TCF4: variants seen among roughly 807,000 people sequenced by gnomAD.
TCF4 encodes the protein transcription factor 4, also known as SL3-3 enhancer factor 2.
TCF4 carries 3 observed loss-of-function variants against 82.1 expected under a neutral mutation model. That is an observed-to-expected ratio of 0.04 (90% CI 0.02 to 0.09). The LOEUF (loss-of-function observed/expected upper bound fraction) is 0.09. Among genes scored for constraint, TCF4 ranks in the 10% least tolerant of loss-of-function variants. TCF4 has a pLI of 1.00. For synonymous variants in TCF4, 276 were observed against 309.6 expected, an observed-to-expected ratio of 0.89 and a Z score of 1.14; for missense variants, 518 against 852.7, an observed-to-expected ratio of 0.61 and a Z score of 4.89.
In TCF4 at chr18:55,506,395, T is replaced by C. The variant is rs949423955; in HGVS notation, c.146-42258A>G. ...CAGTTCCCAAGTCAAGTCAGGCTTT[T>C]GATAATATATTTTATTTATACACAC... On this transcript the variant is annotated intron_variant, in intron 3 of 19. Transcript: ENST00000354452. Among the ~76,000 whole-genome samples, 4 of 152,324 alleles carry C rather than the reference T, an allele frequency of 2.6e-5. No individual in the cohort carries two copies. The East Asian group carries it at 7.7e-4, about 29-fold the overall frequency.
At chr18:55,600,545 C>T (rs1245898201) in intron 2 of TCF4, among the ~76,000 whole-genome samples, 1 of 152,178 alleles carries the variant, frequency 6.6e-6, no homozygotes, top group Non-Finnish European at 1.5e-5. Flanking sequence ...CCACTTTGTC[C>T]ATTCTCACGG....
At chr18:55,459,489 C>A (rs1240463079) in intron 5 of TCF4, among the ~76,000 whole-genome samples, 2 of 152,136 alleles carry the variant, frequency 1.3e-5, no homozygotes. Context: ...ATTGGAGGAT[C>A]ATTTTAGGAT....
intron 3 of TCF4, among the ~76,000 whole-genome samples, chr18:55,578,669 C>CTAAA (rs1385567620): frequency 6.6e-6 from 1 of 151,990 alleles, no homozygotes; most frequent in Non-Finnish European, 1.5e-5. Context: ...GAGGCAATGT[C>CTAAA]AGCATCAGCA....
intron 8 of TCF4, among the ~76,000 whole-genome samples, chr18:55,293,963 T>TTTTTTA (rs11444091): frequency 7.1e-6 from 1 of 139,958 alleles, no homozygotes; most frequent in Non-Finnish European, 1.5e-5. Flanking sequence ...TTTTTTTTTT[T>TTTTTTA]AGAATTCATA....
intron 5 of TCF4, among the ~76,000 whole-genome samples, chr18:55,404,953 C>T (rs1326412916): frequency 7.9e-5 from 12 of 152,250 alleles, no homozygotes; most frequent in Admixed American, 4.6e-4. Context: ...TAGCGCTCAG[C>T]GCAAAGTATA....
intron 3 of TCF4, among the ~76,000 whole-genome samples, chr18:55,572,191 C>T (rs763135669): frequency 3.9e-5 from 6 of 152,190 alleles, no homozygotes; most frequent in Non-Finnish European, 7.3e-5. Flanking sequence ...CCAACTCTCA[C>T]TAACTGACAC....
At chr18:55,366,854 A>T (rs2087295986) in intron 6 of TCF4, among the ~76,000 whole-genome samples, 1 of 152,184 alleles carries the variant, frequency 6.6e-6, no homozygotes, top group Non-Finnish European at 1.5e-5. Context: ...GATTTACTGC[A>T]GAGCATGCTT....
intron 3 of TCF4, among the ~76,000 whole-genome samples, chr18:55,539,782 T>G (rs2097149447): frequency 6.6e-6 from 1 of 152,008 alleles, no homozygotes; most frequent in Non-Finnish European, 1.5e-5. Context: ...TGAATGGGAA[T>G]CAAATAGAAC....
At chr18:55,526,908 C>T (rs2096990896) in intron 3 of TCF4, among the ~76,000 whole-genome samples, 1 of 152,120 alleles carries the variant, frequency 6.6e-6, no homozygotes, top group Admixed American at 6.6e-5. Context: ...GGTATATATA[C>T]ATTTACAGAC....
Position 55,508,196 on chromosome 18 carries a change from T to A in TCF4, c.146-44059A>T, listed in dbSNP as rs116582948. On this transcript the variant is annotated intron_variant, in intron 3 of 19. Coordinates refer to ENST00000354452, the MANE Select transcript of TCF4 (RefSeq NM_001083962.2). ...GCAAATAACACCTTATTATTTGATA[T>A]GTGCAACTGCAAACTCATTTAAAGT... 4.2e-3 allele frequency among the ~76,000 whole-genome samples: 646 copies of A among 152,296 alleles called. 8 individuals carry two copies. Among genetic ancestry groups the A allele is most frequent in the African/African-American group, 0.015 (616 of 41,550 alleles).
At chr18:55,363,364 C>G (rs1242078834) in intron 6 of TCF4, among the ~76,000 whole-genome samples, 1 of 152,076 alleles carries the variant, frequency 6.6e-6, no homozygotes, top group African/African-American at 2.4e-5. Flanking sequence ...ACACTTCATA[C>G]TAAAATATGT....
intron 6 of TCF4, chr18:55,384,301 T>C (rs1452920927): frequency 6.6e-6 from 1 of 152,192 alleles, no homozygotes; most frequent in Admixed American, 6.5e-5. Context: ...AGTAGGCCAA[T>C]GAGCGGCAGT....
chr18:55,411,940 C>T (rs2094362464), intron 5 of TCF4, among the ~76,000 whole-genome samples: 1 of 152,060 alleles, frequency 6.6e-6, no homozygotes, highest in African/African-American at 2.4e-5. Flanking sequence ...GGGGTTTCAC[C>T]ATGTTGGTCA....
In TCF4 at chr18:55,224,833, T is replaced by G. The variant is rs1195202558; in HGVS notation, c.*3202A>C. ...TGCATATTCATAAATTACTTGAATG[T>G]GGAGGTGGATCAACTGCTCCAAGTT... is the stretch of plus-strand genomic sequence containing the variant. On this transcript the variant is annotated 3_prime_UTR_variant, in exon 20 of 20. Coordinates refer to ENST00000354452, the MANE Select transcript of TCF4 (RefSeq NM_001083962.2). 6.6e-6 allele frequency: 1 copy of G among 152,670 alleles called. No individual in the cohort carries two copies. Among genetic ancestry groups the G allele is most frequent in the Admixed American group, 6.5e-5 (1 of 15,286 alleles). 9.5% of individuals were successfully genotyped at this position (152,670 alleles called of 1,614,324 possible). A position where few individuals can be genotyped will look rare whatever the true frequency, so the allele number is the denominator to read the frequency against.
intron 6 of TCF4, among the ~76,000 whole-genome samples, chr18:55,354,508 G>A (rs1483849415): frequency 6.6e-6 from 1 of 152,132 alleles, no homozygotes; most frequent in Non-Finnish European, 1.5e-5. Flanking sequence ...TTAAACTTGA[G>A]TAACAGAAAA....
intron 5 of TCF4, among the ~76,000 whole-genome samples, chr18:55,425,086 C>A (rs1354427463): frequency 6.6e-6 from 1 of 152,150 alleles, no homozygotes; most frequent in African/African-American, 2.4e-5. Flanking sequence ...CCACACAATC[C>A]AGCCACTTTA....
At chr18:55,436,326 A>G (rs748975204) in intron 5 of TCF4, among the ~76,000 whole-genome samples, 4 of 152,240 alleles carry the variant, frequency 2.6e-5, no homozygotes, top group Non-Finnish European at 5.9e-5. Flanking sequence ...CATTAAAATA[A>G]AACAGCTTTA....
chr18:55,336,274 T>G (rs1269577708), intron 8 of TCF4, among the ~76,000 whole-genome samples: 1 of 152,072 alleles, frequency 6.6e-6, no homozygotes, highest in African/African-American at 2.4e-5. Context: ...ACAATTACCC[T>G]CCTAAATAGA....
At chr18:55,538,040 A>G (rs1409465369) in intron 3 of TCF4, among the ~76,000 whole-genome samples, 9 of 150,738 alleles carry the variant, frequency 6.0e-5, no homozygotes, top group East Asian at 3.9e-4. Flanking sequence ...ACACACACAC[A>G]CACACACACA....
Sources: gnomAD v4.1 joint callset for allele counts (sites outside exome capture counted in the v4.1 genomes callset) on GRCh38, gnomAD v4.1.1 for gene constraint, MANE v1.5 for transcripts, NCBI Gene and HGNC (gene_info 2026-07-23, HGNC 2026-07-21) for gene names.